MYO1E: variants seen among roughly 807,000 people sequenced by gnomAD.
The protein encoded by MYO1E is myosin IE, also known as unconventional myosin-Ie.
Under a neutral mutation model 151.1 loss-of-function variants are expected in MYO1E, and 68 were observed. The observed-to-expected ratio is 0.45, with a 90% CI of 0.37 to 0.55. The LOEUF (loss-of-function observed/expected upper bound fraction) is 0.55. MYO1E is among the 20% of genes least tolerant of loss of function. MYO1E has a pLI of 0.00. For missense variants in MYO1E, 1,363 were observed against 1,389.3 expected, an observed-to-expected ratio of 0.98 and a Z score of 0.30; for synonymous variants, 601 against 501.7, an observed-to-expected ratio of 1.20 and a Z score of -2.64.
At chr15:59,317,179 A>G (rs1233629383) in intron 1 of MYO1E, among the ~76,000 whole-genome samples, 1 of 152,236 alleles carries the variant, frequency 6.6e-6, no homozygotes, top group Non-Finnish European at 1.5e-5. Context: ...ATACTTTGCT[A>G]TAAGTTGGCA....
chr15:59,341,725 TACC>T (rs2080766900), intron 1 of MYO1E, among the ~76,000 whole-genome samples: 1 of 152,356 alleles, frequency 6.6e-6, no homozygotes, highest in African/African-American at 2.4e-5. Flanking sequence ...TGTGTATCTG[TACC>T]ACATCTTCTT....
intron 5 of MYO1E, among the ~76,000 whole-genome samples, chr15:59,236,227 C>T (rs887144463): frequency 4.6e-5 from 7 of 151,768 alleles, no homozygotes; most frequent in African/African-American, 1.7e-4. Flanking sequence ...CCTGTAATCC[C>T]AGCTACTCAG....
chr15:59,197,157 T>C (rs2079772432), intron 16 of MYO1E, among the ~76,000 whole-genome samples: 1 of 151,932 alleles, frequency 6.6e-6, no homozygotes, highest in Non-Finnish European at 1.5e-5. Context: ...CAGGCCCAAC[T>C]AATTTTTGTA....
At chr15:59,259,802 G>C (rs886781533) in intron 3 of MYO1E, among the ~76,000 whole-genome samples, 37 of 152,140 alleles carry the variant, frequency 2.4e-4, no homozygotes, top group African/African-American at 7.7e-4. Context: ...CAAAACTATA[G>C]AGTGGGCATT....
At chr15:59,361,912 C>A (rs891518891) in intron 1 of MYO1E, among the ~76,000 whole-genome samples, 1 of 152,226 alleles carries the variant, frequency 6.6e-6, no homozygotes, top group Middle Eastern at 3.4e-3. Flanking sequence ...TCTCAGCTTA[C>A]TGCAACCTCC....
chr15:59,303,692 G>A (rs757329693), intron 1 of MYO1E, among the ~76,000 whole-genome samples: 1 of 152,216 alleles, frequency 6.6e-6, no homozygotes, highest in Non-Finnish European at 1.5e-5. Context: ...GCACTGAAGT[G>A]TGATCATCTC....
chr15:59,196,407 C>G (rs991814895), intron 16 of MYO1E, among the ~76,000 whole-genome samples: 6 of 152,132 alleles, frequency 3.9e-5, no homozygotes, highest in Non-Finnish European at 8.8e-5. Context: ...ATTCCCACCC[C>G]ACAGCTGAGC....
chr15:59,250,169 C>T (rs1179428123), intron 4 of MYO1E, among the ~76,000 whole-genome samples: 1 of 152,132 alleles, frequency 6.6e-6, no homozygotes. Flanking sequence ...GAATGTCCTA[C>T]CTAAGAGGAG....
chr15:59,153,780 T>G lies in MYO1E; in HGVS notation c.2890A>C (p.Asn964His). 1 of 1,613,370 alleles carries G rather than the reference T, an allele frequency of 6.2e-7. No homozygotes were observed. Among genetic ancestry groups the G allele is most frequent in the Non-Finnish European group, 8.5e-7 (1 of 1,179,290 alleles). Reference protein sequence around the residue: ...AAPPPPGYHQNGVIRNQYVPY... With the variant: ...AAPPPPGYHQHGVIRNQYVPY... ...ACATACTGGTTTCTGATGACTCCGT[T>G]CTGATGGTATCCTAGAGAGAGGAAC... The change falls in exon 26 of 28, where the codon AAC becomes CAC. Residue 964 changes from asparagine (N) to histidine (H), a missense_variant. Physicochemically the swap from Asn to His is moderately conservative, Grantham distance 68. Coordinates refer to ENST00000288235, the MANE Select transcript of MYO1E (RefSeq NM_004998.4).
intron 16 of MYO1E, among the ~76,000 whole-genome samples, chr15:59,196,986 CTTTTTTTTTT>C (rs71977305): frequency 2.8e-5 from 2 of 71,492 alleles, no homozygotes; most frequent in South Asian, 1.4e-3. Flanking sequence ...TTAATTACGA[CTTTTTTTTTT>C]TTTTTTTTTT....
At chr15:59,345,987 C>G (rs1237844146) in intron 1 of MYO1E, among the ~76,000 whole-genome samples, 1 of 152,176 alleles carries the variant, frequency 6.6e-6, no homozygotes, top group African/African-American at 2.4e-5. Flanking sequence ...GTAGTACTTC[C>G]GAATGCATGT....
chr15:59,204,599 G>A (rs1203947998), intron 15 of MYO1E, among the ~76,000 whole-genome samples: 2 of 152,198 alleles, frequency 1.3e-5, no homozygotes, highest in Non-Finnish European at 2.9e-5. Flanking sequence ...GGGAAAAGGG[G>A]AGGAAGGCAG....
intron 2 of MYO1E, among the ~76,000 whole-genome samples, chr15:59,269,430 G>A (rs2080276463): frequency 6.6e-6 from 1 of 152,170 alleles, no homozygotes; most frequent in Non-Finnish European, 1.5e-5. Context: ...GTTTTCATGT[G>A]CTGTGGGTGC....
intron 1 of MYO1E, among the ~76,000 whole-genome samples, chr15:59,292,120 G>C (rs1378645068): frequency 1.3e-5 from 2 of 152,166 alleles, no homozygotes; most frequent in Non-Finnish European, 2.9e-5. Flanking sequence ...TGTTTGGTGA[G>C]TGGATTTGTT....
chr15:59,272,491 CCCCTGT>C, intron 1 of MYO1E, 42 bp from the exon 2 acceptor site: 1 of 1,603,802 alleles, frequency 6.2e-7, no homozygotes, highest in South Asian at 1.1e-5. Flanking sequence ...AGTTTGTTTT[CCCCTGT>C]AGTAACAAAG....
At chr15:59,370,516 A>C (rs1485784538) in intron 1 of MYO1E, among the ~76,000 whole-genome samples, 1 of 152,234 alleles carries the variant, frequency 6.6e-6, no homozygotes, top group Non-Finnish European at 1.5e-5. Context: ...TCTGATGCAC[A>C]GATAGTCGCC....
chr15:59,247,728 T>C (rs1283293201), intron 4 of MYO1E, among the ~76,000 whole-genome samples: 3 of 152,094 alleles, frequency 2.0e-5, no homozygotes, highest in African/African-American at 7.2e-5. Flanking sequence ...CACAAATCAG[T>C]TGAAACAGAA....
At chr15:59,343,727 T>C (rs1334291099) in intron 1 of MYO1E, among the ~76,000 whole-genome samples, 1 of 152,104 alleles carries the variant, frequency 6.6e-6, no homozygotes, top group Non-Finnish European at 1.5e-5. Flanking sequence ...TCTGACTGTG[T>C]ATTTTCAAAT....
chr15:59,323,153 A>G (rs1377352053), intron 1 of MYO1E, among the ~76,000 whole-genome samples: 1 of 134,618 alleles, frequency 7.4e-6, no homozygotes, highest in Admixed American at 7.6e-5. Flanking sequence ...TGGGCGACAG[A>G]GCAAGACCCC....
Sources: gnomAD v4.1 joint callset for allele counts (sites outside exome capture counted in the v4.1 genomes callset) on GRCh38, gnomAD v4.1.1 for gene constraint, MANE v1.5 for transcripts, NCBI Gene and HGNC (gene_info 2026-07-23, HGNC 2026-07-21) for gene names.